Variants in PPP1R12B observed in about 807,000 individuals in gnomAD.
PPP1R12B encodes protein phosphatase 1 regulatory subunit 12B, also known as myosin phosphatase target subunit 2.
A neutral mutation model predicts 126.1 loss-of-function variants in PPP1R12B; 76 were observed. That is an observed-to-expected ratio of 0.60 (90% CI 0.50 to 0.73). PPP1R12B has a LOEUF of 0.73. Among genes scored for constraint, PPP1R12B ranks in the 30% least tolerant of loss-of-function variants. The pLI is 0.00. For missense variants in PPP1R12B, 1,052 were observed against 1,205.1 expected, an observed-to-expected ratio of 0.87 and a Z score of 1.88; for synonymous variants, 356 against 434.7, an observed-to-expected ratio of 0.82 and a Z score of 2.25.
At chr1:202,497,462 A>G (rs182359862) in intron 18 of PPP1R12B, among the ~76,000 whole-genome samples, 1 of 152,334 alleles carries the variant, frequency 6.6e-6, no homozygotes, top group African/African-American at 2.4e-5. Context: ...ATTGAAATAC[A>G]TGTGCTTTTC....
chr1:202,528,036 C>T (rs1683535074), intron 18 of PPP1R12B, among the ~76,000 whole-genome samples: 2 of 152,064 alleles, frequency 1.3e-5, no homozygotes, highest in Admixed American at 6.6e-5. Context: ...TCTTTGATTC[C>T]AGTTATTTTA....
rs768580152 is a variant in PPP1R12B at position 202,349,078 on chromosome 1, A to G, written c.227A>G (p.Lys76Arg). The change falls in exon 1 of 24, where the codon AAG (lysine) becomes AGG (arginine). Residue 76 changes from lysine (K) to arginine (R), a missense_variant. By Grantham distance (26) the Lys-to-Arg change is conservative (BLOSUM62 2). Transcript: ENST00000608999. ...AGCGGGGACACCGACGAGGTGAGAA[A>G]GCTTCTGGCAAGAGGTGCTGATATC... is the stretch of plus-strand genomic sequence containing the variant. ...CSSGDTDEVR[K>R]LLARGADINT... is the part of the protein sequence containing the mutation. The G allele has an allele frequency of 3.1e-6, 5 of 1,614,088 alleles. No homozygotes were observed. The East Asian group carries it at 1.1e-4, about 36-fold the overall frequency.
chr1:202,562,672 C>A, intron 19 of PPP1R12B, 106 bp from the exon 20 acceptor site: 1 of 1,235,466 alleles, frequency 8.1e-7, no homozygotes, highest in Middle Eastern at 1.9e-4. Context: ...CTGGCCAGGG[C>A]TCCGAAATAC....
intron 13 of PPP1R12B, among the ~76,000 whole-genome samples, chr1:202,456,526 A>C (rs1188233932): frequency 6.6e-6 from 1 of 152,230 alleles, no homozygotes; most frequent in Non-Finnish European, 1.5e-5. Flanking sequence ...CTGGACACTC[A>C]GATTTTAATG....
At chr1:202,509,169 C>G (rs1158391647) in intron 18 of PPP1R12B, among the ~76,000 whole-genome samples, 1 of 150,692 alleles carries the variant, frequency 6.6e-6, no homozygotes, top group Non-Finnish European at 1.5e-5. Flanking sequence ...TTCTCTCATC[C>G]AAGCACTTCT....
At chr1:202,410,544 G>C (rs1381855778) in intron 1 of PPP1R12B, among the ~76,000 whole-genome samples, 1 of 152,220 alleles carries the variant, frequency 6.6e-6, no homozygotes, top group Non-Finnish European at 1.5e-5. Flanking sequence ...AACCGAGGAG[G>C]CTTTGTTTTA....
At chr1:202,515,751 C>T (rs1406650617) in intron 18 of PPP1R12B, among the ~76,000 whole-genome samples, 2 of 152,058 alleles carry the variant, frequency 1.3e-5, no homozygotes, top group Non-Finnish European at 2.9e-5. Flanking sequence ...GATGGAGTCT[C>T]ACTGTGTTGC....
At position 202,419,571 on chromosome 1, in the gene PPP1R12B, G is replaced by A. The variant is rs187767411; in HGVS notation, c.422+2654G>A. 2.0e-5 allele frequency among the ~76,000 whole-genome samples: 3 copies of A among 152,060 alleles called. No individual in the cohort carries two copies. Among genetic ancestry groups the A allele is most frequent in the Admixed American group, 6.6e-5 (1 of 15,262 alleles). ...GAGCCAAATTACTTTCTAAAAATTCGTCTTCTTGATTGTAGAACATGGGAA... is the reference window on the plus strand; with the variant it reads ...GAGCCAAATTACTTTCTAAAAATTCATCTTCTTGATTGTAGAACATGGGAA... On this transcript the variant is annotated intron_variant, in intron 2 of 23. Coordinates refer to ENST00000608999, the MANE Select transcript of PPP1R12B (RefSeq NM_002481.4). This position sits in a 1 kb window ranked among gnomAD's most constrained non-coding sequence, Gnocchi z 4.6.
intron 1 of PPP1R12B, among the ~76,000 whole-genome samples, chr1:202,378,099 A>G (rs926530375): frequency 6.6e-6 from 1 of 151,914 alleles, no homozygotes; most frequent in African/African-American, 2.4e-5. Flanking sequence ...CAGCCTCCCA[A>G]AGTACTGGGA....
At chr1:202,511,561 A>C (rs1185814277) in intron 18 of PPP1R12B, among the ~76,000 whole-genome samples, 1 of 151,872 alleles carries the variant, frequency 6.6e-6, no homozygotes, top group Non-Finnish European at 1.5e-5. Context: ...CTTCCCCCTG[A>C]GTCCCCAAAG....
intron 23 of PPP1R12B, among the ~76,000 whole-genome samples, chr1:202,569,416 A>G (rs749738274): frequency 2.6e-4 from 39 of 152,194 alleles, no homozygotes; most frequent in Non-Finnish European, 4.4e-4. Flanking sequence ...CATTCTAGGA[A>G]AAAATACTGC....
chr1:202,412,529 G>C (rs1244760457), intron 1 of PPP1R12B, among the ~76,000 whole-genome samples: 6 of 152,150 alleles, frequency 3.9e-5, no homozygotes, highest in Non-Finnish European at 5.9e-5. Context: ...GAAAACATTG[G>C]CTTCTAAAAG....
At chr1:202,551,311 A>G (rs1445952872) in intron 18 of PPP1R12B, among the ~76,000 whole-genome samples, 4 of 152,224 alleles carry the variant, frequency 2.6e-5, no homozygotes, top group African/African-American at 9.6e-5. Flanking sequence ...ATGAAGACAT[A>G]TGTGATTTAA....
intron 1 of PPP1R12B, among the ~76,000 whole-genome samples, chr1:202,386,721 CA>C (rs1338742473): frequency 6.6e-6 from 1 of 151,984 alleles, no homozygotes; most frequent in African/African-American, 2.4e-5. Flanking sequence ...TTGTATTTAA[CA>C]CTTTGACAGA....
chr1:202,540,066 T>C (rs1684948154), intron 18 of PPP1R12B: 1 of 1,481,860 alleles, frequency 6.7e-7, no homozygotes, highest in Admixed American at 2.2e-5. Context: ...TCTGTGAGGG[T>C]AACCTACAGG....
At chr1:202,491,122 TTTG>T (rs747230646) in intron 14 of PPP1R12B, among the ~76,000 whole-genome samples, 2 of 152,118 alleles carry the variant, frequency 1.3e-5, no homozygotes, top group Non-Finnish European at 2.9e-5. Context: ...CACCAATATT[TTTG>T]TTGTTGTTGT....
chr1:202,452,418 C>T (rs946899055), intron 13 of PPP1R12B, among the ~76,000 whole-genome samples: 51 of 152,342 alleles, frequency 3.3e-4, no homozygotes, highest in African/African-American at 1.0e-3. Context: ...GGCGTGGCGG[C>T]GTGCGCCTGC....
chr1:202,535,619 A>G (rs1363135725), intron 18 of PPP1R12B, among the ~76,000 whole-genome samples: 3 of 152,196 alleles, frequency 2.0e-5, no homozygotes, highest in Non-Finnish European at 2.9e-5. Flanking sequence ...ACAACGCCCT[A>G]AAGTTTATAG....
intron 1 of PPP1R12B, among the ~76,000 whole-genome samples, chr1:202,363,966 G>A (rs780918364): frequency 6.6e-6 from 1 of 151,994 alleles, no homozygotes; most frequent in Non-Finnish European, 1.5e-5. Flanking sequence ...CACCATATTG[G>A]CCAGGCTGGT....
Sources: gnomAD v4.1 joint callset for allele counts (sites outside exome capture counted in the v4.1 genomes callset) on GRCh38, gnomAD v4.1.1 for gene constraint, Gnocchi (gnomAD v3.1) non-coding constraint, MANE v1.5 for transcripts, NCBI Gene and HGNC (gene_info 2026-07-23, HGNC 2026-07-21) for gene names.